The following MKRN2 variants were observed in gnomAD, a reference collection of about 807,000 sequenced individuals.
MKRN2 encodes the protein makorin ring finger protein 2, also known as E3 ubiquitin-protein ligase makorin-2.
A neutral mutation model predicts 45.4 loss-of-function variants in MKRN2; 32 were observed. The observed-to-expected ratio is 0.70, with a 90% confidence interval of 0.53 to 0.95. The LOEUF is 0.95. MKRN2 is among the 40% of genes least tolerant of loss of function. The probability of loss-of-function intolerance (pLI) is 0.00; values close to 1 mark genes in which losing one functional copy is unlikely to be tolerated. For synonymous variants in MKRN2, 206 were observed against 192.4 expected (o/e 1.07, Z -0.59); for missense variants, 526 against 536.7 (o/e 0.98, Z 0.20).
At position 12,575,347 on chromosome 3, in the gene MKRN2, C is replaced by G. The variant is rs150874804; in HGVS notation, c.857+341C>G. Among the ~76,000 whole-genome samples the G allele has an allele frequency of 6.6e-5, 10 of 152,284 alleles. No homozygotes were observed. The East Asian group carries it at 1.7e-3, about 26-fold the overall frequency. On this transcript the variant is annotated intron_variant, in intron 5 of 7. Coordinates refer to ENST00000170447, the MANE Select transcript of MKRN2 (RefSeq NM_014160.5). ...GCCTGTAGCCCAGTTGCCTGTTAATCATTTTGAGCTTCGTTTTTTCCCCCC... is the reference window on the plus strand; with the variant it reads ...GCCTGTAGCCCAGTTGCCTGTTAATGATTTTGAGCTTCGTTTTTTCCCCCC...
chr3:12,561,106 T>C (rs997820025), intron 1 of MKRN2: 14 of 152,218 alleles, frequency 9.2e-5, no homozygotes, highest in Non-Finnish European at 1.9e-4. Flanking sequence ...ATTTCATACT[T>C]TCCTTTCTTG....
intron 1 of MKRN2, among the ~76,000 whole-genome samples, chr3:12,561,531 T>C (rs2058036351): frequency 6.6e-6 from 1 of 152,134 alleles, no homozygotes; most frequent in African/African-American, 2.4e-5. Context: ...ATTCCTATAA[T>C]CCCAGCACTT....
At chr3:12,557,284 A>G (rs112706793) in intron 1 of MKRN2, 108 bp downstream of exon 1, 77,236 of 1,417,344 alleles carry the variant, frequency 0.054, 2,477 homozygotes, top group Non-Finnish European at 0.063. Context: ...GGGACTCGGA[A>G]AGTTACTCGG....
At position 12,557,127 on chromosome 3, in the gene MKRN2, C is replaced by T; in HGVS notation, c.-24C>T. On this transcript the variant is annotated 5_prime_UTR_variant, in exon 1 of 8. The change creates a new upstream start codon in the 5' untranslated region. Transcript: ENST00000170447. ...GCGGCTGCGAGAGGCGGCGGCACGA[C>T]GACGGTCCCTCAGCCCAGCCACCAT... is the stretch of plus-strand genomic sequence containing the variant. 6.7e-7 allele frequency: 1 copy of T among 1,498,860 alleles called. No individual in the cohort carries two copies. The highest frequency in any genetic ancestry group is 8.9e-7 in the Non-Finnish European group (1 of 1,126,550). The allele number at this position is 1,498,860 out of a possible 1,614,324, so 92.8% of individuals were successfully genotyped here.
chr3:12,563,282 G>GA lies in MKRN2; in HGVS notation c.27-5586dup, dbSNP rs1318339981. The stretch of plus-strand genomic sequence containing the variant: ...GAATATCCTTTTATAATTTCCCTGG[G>GA]AAAAAAATAAACTGTCAGGTAGGTC... On this transcript the variant is annotated intron_variant, in intron 1 of 7. Transcript: ENST00000170447. 9.2e-5 allele frequency among the ~76,000 whole-genome samples: 14 copies of GA among 152,108 alleles called. 1 individual carries two copies. In the South Asian group the frequency reaches 2.5e-3, roughly 27 times the overall value.
chr3:12,579,850 C>T (rs1210001899), intron 6 of MKRN2, among the ~76,000 whole-genome samples: 1 of 152,076 alleles, frequency 6.6e-6, no homozygotes, highest in Non-Finnish European at 1.5e-5. Flanking sequence ...CCTGTAATCC[C>T]AGCACTTTGG....
Position 12,578,272 on chromosome 3 carries a change from G to A in MKRN2, c.968+1531G>A, listed in dbSNP as rs2058154831. On this transcript the variant is annotated intron_variant, in intron 6 of 7. Coordinates refer to ENST00000170447, the MANE Select transcript of MKRN2 (RefSeq NM_014160.5). ...CCCCTTGGAGTTTTAGCCACCCCATGTGGTTATGATTTTGGCCTGCTCCAG... is the reference window on the plus strand; with the variant it reads ...CCCCTTGGAGTTTTAGCCACCCCATATGGTTATGATTTTGGCCTGCTCCAG... Among the ~76,000 whole-genome samples the A allele has an allele frequency of 2.1e-5, 3 of 145,844 alleles. No individual in the cohort carries two copies. In the South Asian group the frequency reaches 6.5e-4, roughly 32 times the overall value.
At chr3:12,559,191 A>C (rs1429757471) in intron 1 of MKRN2, among the ~76,000 whole-genome samples, 1 of 152,236 alleles carries the variant, frequency 6.6e-6, no homozygotes, top group African/African-American at 2.4e-5. Flanking sequence ...TGCCAAATAA[A>C]AAACATAACA....
Position 12,574,855 on chromosome 3 carries a change from A to G in MKRN2, c.706A>G (p.Lys236Glu). Residue 236 changes from lysine to glutamate, a missense_variant, in exon 5 of 8, where the codon AAA (lysine) becomes GAA (glutamate). Physicochemically the swap from Lys to Glu is moderately conservative, Grantham distance 56. Transcript: ENST00000170447. The stretch of plus-strand genomic sequence containing the variant: ...CTTTGCCTTCCAGGCAAGCCAGGAC[A>G]AAGTGTGCAGTATCTGCATGGAAGT... ...KAFAFQASQD[K>E]VCSICMEVIL... 2 of 1,614,250 alleles carry G rather than the reference A, an allele frequency of 1.2e-6. No individual in the cohort carries two copies. Among genetic ancestry groups the G allele is most frequent in the Non-Finnish European group, 1.7e-6 (2 of 1,180,050 alleles).
chr3:12,569,257 G>GTTCAAGCAC (rs2058085401), intron 2 of MKRN2, among the ~76,000 whole-genome samples: 1 of 31,142 alleles, frequency 3.2e-5, no homozygotes. Flanking sequence ...CGCCTCCAGG[G>GTTCAAGCAC]TTCTCCTGCC....
chr3:12,570,831 T>C (rs1296253575), intron 3 of MKRN2, among the ~76,000 whole-genome samples: 3 of 141,508 alleles, frequency 2.1e-5, no homozygotes, highest in Non-Finnish European at 3.0e-5. Flanking sequence ...TGTAGTGAGC[T>C]GAGATCACGC....
intron 6 of MKRN2, among the ~76,000 whole-genome samples, chr3:12,580,932 G>A (rs1440402837): frequency 6.6e-6 from 1 of 152,058 alleles, no homozygotes; most frequent in African/African-American, 2.4e-5. Context: ...TGCCCTTTCT[G>A]TTGTTTGGCT....
At chr3:12,567,475 G>A (rs1484614423) in intron 1 of MKRN2, among the ~76,000 whole-genome samples, 1 of 123,706 alleles carries the variant, frequency 8.1e-6, no homozygotes, top group Non-Finnish European at 1.7e-5. Flanking sequence ...GCCCTGGCTA[G>A]TTTATCTTTT....
chr3:12,578,543 C>T (rs1014727394), intron 6 of MKRN2, among the ~76,000 whole-genome samples: 6 of 152,016 alleles, frequency 3.9e-5, no homozygotes, highest in Admixed American at 3.9e-4. Flanking sequence ...TCTTGAACTC[C>T]TGAGCTCAGG....
At position 12,582,205 on chromosome 3, in the gene MKRN2, C is replaced by A. The variant is rs749807571; in HGVS notation, c.1203C>A (p.Leu401=). 13 of 1,613,918 alleles carry A rather than the reference C, an allele frequency of 8.1e-6. No homozygotes were observed. The highest frequency in any genetic ancestry group is 1.1e-5 in the Non-Finnish European group (13 of 1,180,022). ...ATGAAGATGTCGACATGACAGAGCT[C>A]GGGGACCTCTTCATGCACCTTTCTG... ...PNNEDVDMTE[L]GDLFMHLSGV... Residue 401 remains leucine, a synonymous_variant, in exon 8 of 8, where the codon CTC becomes CTA. Transcript: ENST00000170447.
chr3:12,574,835 C>A lies in MKRN2; in HGVS notation c.686C>A (p.Ala229Asp), dbSNP rs763909962. ...GAACACGAGATGGAAAAGGCCTTTG[C>A]CTTCCAGGCAAGCCAGGACAAAGTG... ...TFEHEMEKAFAFQASQDKVCS... is the reference protein window; with the variant it reads ...TFEHEMEKAFDFQASQDKVCS... The change falls in exon 5 of 8, where the codon GCC becomes GAC. Residue 229 changes from alanine (A) to aspartate (D), a missense_variant. Ala to Asp is a moderately radical substitution (Grantham distance 126, BLOSUM62 -2). Coordinates refer to ENST00000170447, the MANE Select transcript of MKRN2 (RefSeq NM_014160.5). 6 of 1,614,018 alleles carry A rather than the reference C, an allele frequency of 3.7e-6. No homozygotes were observed. Among genetic ancestry groups the A allele is most frequent in the Middle Eastern group, 1.7e-4 (1 of 6,004 alleles).
chr3:12,571,800 TGTATAA>T (rs2058101180), intron 3 of MKRN2, among the ~76,000 whole-genome samples: 1 of 152,246 alleles, frequency 6.6e-6, no homozygotes, highest in Admixed American at 6.5e-5. Context: ...AGTGTTCTTT[TGTATAA>T]GTATATCCTA....
rs1157302811 is a variant in MKRN2 at position 12,579,962 on chromosome 3, G to A, written c.969-1846G>A. 3.9e-5 allele frequency among the ~76,000 whole-genome samples: 6 copies of A among 152,274 alleles called. No individual in the cohort carries two copies. The East Asian group carries it at 1.2e-3, about 29-fold the overall frequency. On this transcript the variant is annotated intron_variant, in intron 6 of 7. Transcript: ENST00000170447. ...TTGGGAAGCTCCTCCGTGCTGCTCT[G>A]AAGGTGGAAACTGGTGGGAGTGGGA...
chr3:12,579,900 A>T (rs2058166287), intron 6 of MKRN2, among the ~76,000 whole-genome samples: 1 of 152,118 alleles, frequency 6.6e-6, no homozygotes. Context: ...CAGGGGAGAC[A>T]TAGGGAGACC....
Sources: gnomAD v4.1 joint callset for allele counts (sites outside exome capture counted in the v4.1 genomes callset) on GRCh38, gnomAD v4.1.1 for gene constraint, MANE v1.5 for transcripts, NCBI Gene and HGNC (gene_info 2026-07-23, HGNC 2026-07-21) for gene names.